RALGAPA1: variants seen among roughly 807,000 people sequenced by gnomAD.
The protein encoded by RALGAPA1 is Ral GTPase activating protein catalytic subunit alpha 1.
In RALGAPA1, 52 loss-of-function variants were observed where a neutral mutation model predicts 269.6. That is an observed-to-expected ratio of 0.19 (90% CI 0.15 to 0.24). RALGAPA1 has a LOEUF of 0.24. Among genes scored for constraint, RALGAPA1 ranks in the 10% least tolerant of loss-of-function variants. The probability of loss-of-function intolerance (pLI) is 1.00; values close to 1 mark genes in which losing one functional copy is unlikely to be tolerated. For synonymous variants in RALGAPA1, 817 were observed against 1,008.3 expected (o/e 0.81, Z 3.60); for missense variants, 1,917 against 3,013.9 (o/e 0.64, Z 8.52).
At chr14:35,562,337 C>T (rs761580700) in intron 39 of RALGAPA1, among the ~76,000 whole-genome samples, 3 of 152,168 alleles carry the variant, frequency 2.0e-5, no homozygotes, top group Non-Finnish European at 4.4e-5. Context: ...CAGCCTCATG[C>T]TGCCTCCTCC....
intron 16 of RALGAPA1, among the ~76,000 whole-genome samples, chr14:35,708,540 A>G (rs1307532893): frequency 6.6e-6 from 1 of 152,216 alleles, no homozygotes; most frequent in East Asian, 1.9e-4. Flanking sequence ...GCAAATCAAA[A>G]CTACAATGAG....
intron 30 of RALGAPA1, among the ~76,000 whole-genome samples, chr14:35,653,966 C>T (rs1206307512): frequency 1.3e-5 from 2 of 152,160 alleles, no homozygotes; most frequent in African/African-American, 4.8e-5. Context: ...TAAGTTTACA[C>T]ATAGCATTTA....
intron 41 of RALGAPA1, chr14:35,542,195 C>A (rs2054072703): frequency 9.3e-6 from 3 of 321,504 alleles, no homozygotes; most frequent in Admixed American, 4.7e-5. Flanking sequence ...GTAGCCACAG[C>A]CACATTAAGT....
chr14:35,573,180 C>T lies in RALGAPA1; in HGVS notation c.7210-462G>A, dbSNP rs75484919. Among the ~76,000 whole-genome samples, 663 of 152,204 alleles carry T rather than the reference C, an allele frequency of 4.4e-3. 24 individuals carry two copies. In the East Asian group the frequency reaches 0.081, roughly 19 times the overall value. ...AATAGATGTCTTGAGAATTGTTAGACCCTCAAGACGTTATTTAAATGTTTG... is the reference window on the plus strand; with the variant it reads ...AATAGATGTCTTGAGAATTGTTAGATCCTCAAGACGTTATTTAAATGTTTG... On this transcript the variant is annotated intron_variant, in intron 37 of 41. Transcript: ENST00000680220.
intron 16 of RALGAPA1, among the ~76,000 whole-genome samples, chr14:35,720,897 C>A (rs943517130): frequency 1.3e-5 from 2 of 152,100 alleles, no homozygotes; most frequent in African/African-American, 4.8e-5. Flanking sequence ...CCAACAAAGG[C>A]AACAGAGCGA....
At chr14:35,547,772 A>T (rs2054581317) in intron 41 of RALGAPA1, among the ~76,000 whole-genome samples, 1 of 152,052 alleles carries the variant, frequency 6.6e-6, no homozygotes, top group Non-Finnish European at 1.5e-5. Context: ...CTGGTTTAAT[A>T]CGGTTTTGTC....
intron 3 of RALGAPA1, among the ~76,000 whole-genome samples, chr14:35,772,835 A>C (rs1467344828): frequency 6.6e-6 from 1 of 152,186 alleles, no homozygotes; most frequent in Admixed American, 6.5e-5. Flanking sequence ...CTGCCTTGAT[A>C]ATATACTGCT....
Position 35,689,747 on chromosome 14 carries a change from T to C in RALGAPA1, c.2664A>G (p.Glu888=). Residue 888 remains glutamate (E), a synonymous_variant, in exon 18 of 42, where the codon GAA becomes GAG. Transcript: ENST00000680220. ...TACTATGAGTATCAGTGATGTGGCT[T>C]TCAGTGGATCTAGTTATTGAAGAAG... The part of the protein sequence containing the change: ...TEASSITRST[E]SHITDTHSRE... The C allele has an allele frequency of 6.7e-7, 1 of 1,490,388 alleles. No individual in the cohort carries two copies. The highest frequency in any genetic ancestry group is 8.9e-7 in the Non-Finnish European group (1 of 1,127,290). 92.3% of individuals were successfully genotyped at this position (1,490,388 alleles called of 1,614,324 possible).
chr14:35,751,519 C>T (rs1372604687), intron 8 of RALGAPA1, among the ~76,000 whole-genome samples: 2 of 151,992 alleles, frequency 1.3e-5, no homozygotes, highest in Admixed American at 1.3e-4. Flanking sequence ...TGTGGTGGCT[C>T]ATGCTTATAA....
At chr14:35,609,672 C>T (rs1444113827) in intron 35 of RALGAPA1, among the ~76,000 whole-genome samples, 1 of 152,046 alleles carries the variant, frequency 6.6e-6, no homozygotes, top group African/African-American at 2.4e-5. Flanking sequence ...CCTGTAATCC[C>T]AGTACTTGGG....
At chr14:35,677,699 T>A (rs1566979161) in intron 22 of RALGAPA1, 4 of 402,946 alleles carry the variant, frequency 9.9e-6, no homozygotes, top group Non-Finnish European at 1.8e-5. Flanking sequence ...TAAATGATAA[T>A]ACAATACTTG....
intron 4 of RALGAPA1, among the ~76,000 whole-genome samples, chr14:35,767,880 T>A (rs1456540676): frequency 6.6e-6 from 1 of 152,098 alleles, no homozygotes; most frequent in Non-Finnish European, 1.5e-5. Context: ...GTTCAGATGA[T>A]CTTCCCAAAT....
chr14:35,808,892 C>A lies in RALGAPA1; in HGVS notation c.-57G>T, dbSNP rs2077560969. 11 of 1,571,090 alleles carry A rather than the reference C, an allele frequency of 7.0e-6. No homozygotes were observed. The highest frequency in any genetic ancestry group is 2.3e-4 in the Middle Eastern group (1 of 4,384). ...CAGCCGGCTCCCAGCCGGGTCCCGG[C>A]GGCAGAAAGTGGAGGGAGTGGACGG... On this transcript the variant is annotated 5_prime_UTR_variant, in exon 1 of 42. Transcript: ENST00000680220.
In RALGAPA1 at chr14:35,539,503, A is replaced by T; in HGVS notation, c.*211T>A. Reference sequence around the variant, plus strand: ...AAGGGTTAACCCTATGTTCGTGCTAAGGTGGCTACTGCTGATCACTGCTGG... The same window carrying T: ...AAGGGTTAACCCTATGTTCGTGCTATGGTGGCTACTGCTGATCACTGCTGG... On this transcript the variant is annotated 3_prime_UTR_variant, in exon 42 of 42. Coordinates refer to ENST00000680220, the MANE Select transcript of RALGAPA1 (RefSeq NM_001346249.2). The T allele has an allele frequency of 6.2e-7, 1 of 1,601,490 alleles. No individual in the cohort carries two copies. Among genetic ancestry groups the T allele is most frequent in the Non-Finnish European group, 8.5e-7 (1 of 1,174,110 alleles).
intron 1 of RALGAPA1, among the ~76,000 whole-genome samples, chr14:35,808,366 T>G (rs962009786): frequency 6.6e-6 from 1 of 152,148 alleles, no homozygotes; most frequent in Non-Finnish European, 1.5e-5. Flanking sequence ...AGGATTTTAT[T>G]TTTCTTTTTA....
At chr14:35,665,987 A>G (rs2063895167) in intron 26 of RALGAPA1, among the ~76,000 whole-genome samples, 1 of 151,930 alleles carries the variant, frequency 6.6e-6, no homozygotes, top group Admixed American at 6.6e-5. Flanking sequence ...TAAGAATACA[A>G]CGAGCAAGAA....
intron 25 of RALGAPA1, among the ~76,000 whole-genome samples, chr14:35,672,523 A>G (rs1188116469): frequency 6.6e-6 from 1 of 152,152 alleles, no homozygotes; most frequent in Non-Finnish European, 1.5e-5. Flanking sequence ...TGCCTCAAGT[A>G]TCAGTCACAA....
chr14:35,722,393 T>C (rs1952688139), intron 15 of RALGAPA1, among the ~76,000 whole-genome samples: 1 of 152,114 alleles, frequency 6.6e-6, no homozygotes, highest in Non-Finnish European at 1.5e-5. Flanking sequence ...GGGCAGATTG[T>C]TTGAGCCCAG....
In RALGAPA1 at chr14:35,728,364, A is replaced by C; in HGVS notation, c.1734T>G (p.Thr578=). Residue 578 remains threonine (T), a splice_region_variant and synonymous_variant, in exon 13 of 42, where the codon ACT becomes ACG. Coordinates refer to ENST00000680220, the MANE Select transcript of RALGAPA1 (RefSeq NM_001346249.2). The part of the protein sequence containing the change: ...MVVQVSMDKK[T]WEQMLLVLLR... ...ATAAAGGATAAAAATTTTTTTACCA[A>C]GTCTTTTTGTCCATTGATACTTGTA... 1.9e-6 allele frequency: 3 copies of C among 1,556,436 alleles called. No individual in the cohort carries two copies. Among genetic ancestry groups the C allele is most frequent in the South Asian group, 2.5e-5 (2 of 79,538 alleles).
Sources: allele counts gnomAD v4.1 joint callset (sites outside exome capture counted in the v4.1 genomes callset), GRCh38; gene constraint gnomAD v4.1.1; transcripts MANE v1.5; gene names NCBI Gene and HGNC (gene_info 2026-07-23, HGNC 2026-07-21).